The following PRKG1 variants were observed in gnomAD, a reference collection of about 807,000 sequenced individuals.
PRKG1 encodes the protein cGMP-dependent protein kinase 1.
In PRKG1, 35 loss-of-function variants were observed where a neutral mutation model predicts 88.1. The observed-to-expected ratio is 0.40, with a 90% confidence interval of 0.30 to 0.53. The LOEUF is 0.53. PRKG1 is among the 20% of genes least tolerant of loss of function. PRKG1 has a pLI of 0.59. For missense variants in PRKG1, 540 were observed against 839.8 expected, an observed-to-expected ratio of 0.64 and a Z score of 4.41; for synonymous variants, 303 against 292.5, an observed-to-expected ratio of 1.04 and a Z score of -0.37.
chr10:51,926,456 A>G (rs556212091), intron 5 of PRKG1, among the ~76,000 whole-genome samples: 4 of 152,186 alleles, frequency 2.6e-5, no homozygotes, highest in South Asian at 2.1e-4. Context: ...ATTTGTACCA[A>G]GAGATGCTGC....
At chr10:51,570,207 C>G (rs1837716087) in intron 3 of PRKG1, among the ~76,000 whole-genome samples, 1 of 151,564 alleles carries the variant, frequency 6.6e-6, no homozygotes, top group Non-Finnish European at 1.5e-5. Flanking sequence ...ACAGCCCGCA[C>G]AGCTGAACAT....
intron 3 of PRKG1, among the ~76,000 whole-genome samples, chr10:51,528,607 T>C (rs1589048229): frequency 6.7e-6 from 1 of 148,596 alleles, no homozygotes; most frequent in African/African-American, 2.5e-5. Flanking sequence ...GAATCCCGAG[T>C]TCCTCTGTGC....
intron 1 of PRKG1, among the ~76,000 whole-genome samples, chr10:51,037,797 T>TA (rs1843370274): frequency 6.6e-6 from 1 of 151,616 alleles, no homozygotes; most frequent in Non-Finnish European, 1.5e-5. Flanking sequence ...AAAAAAAAAT[T>TA]AAAAAATATT....
chr10:51,851,817 AC>A (rs769405784), intron 4 of PRKG1, among the ~76,000 whole-genome samples: 51 of 152,300 alleles, frequency 3.3e-4, no homozygotes, highest in East Asian at 9.7e-4. Flanking sequence ...CTACACAGAT[AC>A]CAAGGTTGGC....
chr10:51,160,607 A>G (rs1247639371), intron 2 of PRKG1, among the ~76,000 whole-genome samples: 1 of 152,176 alleles, frequency 6.6e-6, no homozygotes, highest in African/African-American at 2.4e-5. Flanking sequence ...ATTGACAAAC[A>G]TTTAAATTTT....
At chr10:51,121,174 G>A (rs1845251390) in intron 1 of PRKG1, among the ~76,000 whole-genome samples, 2 of 152,094 alleles carry the variant, frequency 1.3e-5, no homozygotes, top group Non-Finnish European at 2.9e-5. Flanking sequence ...GGATAACCCA[G>A]AGCAATCTTC....
chr10:52,208,190 A>G (rs1185038053), intron 9 of PRKG1, among the ~76,000 whole-genome samples: 2 of 152,124 alleles, frequency 1.3e-5, no homozygotes, highest in Non-Finnish European at 2.9e-5. Flanking sequence ...TTTGCTTTTA[A>G]TCTGAGAATA....
At chr10:51,373,020 G>T (rs1325339189) in intron 2 of PRKG1, among the ~76,000 whole-genome samples, 1 of 152,066 alleles carries the variant, frequency 6.6e-6, no homozygotes, top group African/African-American at 2.4e-5. Flanking sequence ...ACAGGTTTAA[G>T]GATCAGGGTT....
chr10:51,745,203 A>C (rs1263471006), intron 3 of PRKG1, among the ~76,000 whole-genome samples: 1 of 152,142 alleles, frequency 6.6e-6, no homozygotes, highest in Non-Finnish European at 1.5e-5. Context: ...GAGTCAAATA[A>C]TTGTTGATAT....
At chr10:52,249,691 C>A (rs74783925) in intron 9 of PRKG1, among the ~76,000 whole-genome samples, 3 of 151,954 alleles carry the variant, frequency 2.0e-5, no homozygotes, top group Non-Finnish European at 4.4e-5. Flanking sequence ...GGCGTAGTGA[C>A]GCACACGTGT....
intron 2 of PRKG1, among the ~76,000 whole-genome samples, chr10:51,175,329 A>T (rs1268254599): frequency 6.6e-6 from 1 of 152,014 alleles, no homozygotes; most frequent in Non-Finnish European, 1.5e-5. Context: ...ACAAATACAC[A>T]TATATACACA....
intron 2 of PRKG1, among the ~76,000 whole-genome samples, chr10:51,165,104 AC>A (rs1200185061): frequency 2.0e-5 from 3 of 152,194 alleles, no homozygotes; most frequent in African/African-American, 7.2e-5. Context: ...TGTCAGATTC[AC>A]CAAACTTGAA....
rs1398553919 is a variant in PRKG1, at chr10:51,798,736, A to G, written c.593-5849A>G. The stretch of plus-strand genomic sequence containing the variant: ...AAAATACTTTGAAGATAATAGTTTT[A>G]TATTTATAATGTAGAAAGTAAAAGA... On this transcript the variant is annotated intron_variant, in intron 3 of 17. Coordinates refer to ENST00000373980, the MANE Select transcript of PRKG1 (RefSeq NM_006258.4). Among the ~76,000 whole-genome samples, 4 of 152,104 alleles carry G rather than the reference A, an allele frequency of 2.6e-5. No homozygotes were observed. In the East Asian group the frequency reaches 7.7e-4, roughly 29 times the overall value.
chr10:52,181,563 C>T (rs1038437632), intron 9 of PRKG1, among the ~76,000 whole-genome samples: 1 of 119,134 alleles, frequency 8.4e-6, no homozygotes, highest in Non-Finnish European at 1.7e-5. Context: ...AGGTATATCT[C>T]CCAAAGCTAT....
intron 3 of PRKG1, among the ~76,000 whole-genome samples, chr10:51,521,167 G>A (rs2132077041): frequency 6.6e-6 from 1 of 152,226 alleles, no homozygotes; most frequent in South Asian, 2.1e-4. Flanking sequence ...TGTGCCTGTA[G>A]TCCCAGCTAC....
intron 4 of PRKG1, among the ~76,000 whole-genome samples, chr10:51,811,894 C>A (rs541818265): frequency 2.0e-5 from 3 of 152,294 alleles, no homozygotes; most frequent in Admixed American, 2.0e-4. Context: ...GATGCTCATG[C>A]AGCTAGTCTG....
At chr10:51,238,679 T>C (rs1839066784) in intron 2 of PRKG1, among the ~76,000 whole-genome samples, 1 of 151,716 alleles carries the variant, frequency 6.6e-6, no homozygotes, top group Non-Finnish European at 1.5e-5. Context: ...GAGAATCTCT[T>C]AAACCTGGGA....
chr10:51,952,143 T>A (rs1205803717), intron 5 of PRKG1, among the ~76,000 whole-genome samples: 1 of 152,214 alleles, frequency 6.6e-6, no homozygotes, highest in African/African-American at 2.4e-5. Context: ...TGCTAGAGGA[T>A]AAGTTAGAGA....
At chr10:51,235,146 C>T (rs918715025) in intron 2 of PRKG1, among the ~76,000 whole-genome samples, 3 of 152,122 alleles carry the variant, frequency 2.0e-5, no homozygotes, top group African/African-American at 4.8e-5. Flanking sequence ...TCCATAGAAA[C>T]ACAATTGCTC....
Sources: gnomAD v4.1 joint callset for allele counts (sites outside exome capture counted in the v4.1 genomes callset) on GRCh38, gnomAD v4.1.1 for gene constraint, MANE v1.5 for transcripts, NCBI Gene and HGNC (gene_info 2026-07-23, HGNC 2026-07-21) for gene names.